The following SPTBN4 variants were observed in gnomAD, a reference collection of about 807,000 sequenced individuals.
The protein encoded by SPTBN4 is spectrin beta chain, non-erythrocytic 4.
A neutral mutation model predicts 277.8 loss-of-function variants in SPTBN4; 96 were observed. The ratio of observed to expected loss-of-function variants is 0.35; its 90% confidence interval spans 0.29 to 0.41. The LOEUF is 0.41. SPTBN4 is among the 10% of genes least tolerant of loss of function. The pLI is 1.00. For synonymous variants in SPTBN4, 1,481 were observed against 1,580.3 expected (o/e 0.94, Z 1.49); for missense variants, 3,006 against 3,595.7 (o/e 0.84, Z 4.19).
Position 40,554,218 on chromosome 19 carries a change from G to A in SPTBN4, c.4746G>A (p.Ala1582=). The change falls in exon 23 of 36, where the codon GCG becomes GCA. Residue 1582 remains alanine, a synonymous_variant. Transcript: ENST00000598249. This position sits in a 1 kb window ranked among gnomAD's most constrained non-coding sequence, Gnocchi z 5.7. Reference sequence around the variant, plus strand: ...TGCTGGAGCGCGCGGGCGCGCTGGCGTCGCTGCGCAGCCCGGAGGCAGAGG... The same window carrying A: ...TGCTGGAGCGCGCGGGCGCGCTGGCATCGCTGCGCAGCCCGGAGGCAGAGG... ...EEVLERAGAL[A]SLRSPEAEAV... 6.7e-7 allele frequency: 1 copy of A among 1,490,680 alleles called. No homozygotes were observed. Among genetic ancestry groups the A allele is most frequent in the South Asian group, 1.3e-5 (1 of 77,716 alleles). 92.3% of individuals were successfully genotyped at this position (1,490,680 alleles called of 1,614,324 possible). A position where few individuals can be genotyped will look rare whatever the true frequency, so the allele number is the denominator to read the frequency against.
intron 19 of SPTBN4, 42 bp from the exon 20 acceptor site, chr19:40,534,038 A>G (rs756290661): frequency 1.3e-6 from 2 of 1,559,630 alleles, no homozygotes; most frequent in South Asian, 1.2e-5. Flanking sequence ...CCCACCATCT[A>G]TCTATCTTCT....
intron 2 of SPTBN4, among the ~76,000 whole-genome samples, chr19:40,485,342 T>C (rs1030353818): frequency 6.6e-6 from 1 of 152,010 alleles, no homozygotes; most frequent in Non-Finnish European, 1.5e-5. Context: ...GAAGAGACAG[T>C]GTTCGAGAGG....
chr19:40,474,737 C>G (rs1303601826), intron 2 of SPTBN4, among the ~76,000 whole-genome samples: 1 of 151,776 alleles, frequency 6.6e-6, no homozygotes, highest in East Asian at 1.9e-4. Context: ...ACTAAAAATA[C>G]AAAAATTAGA....
intron 35 of SPTBN4, among the ~76,000 whole-genome samples, chr19:40,572,801 A>T (rs2081167428): frequency 6.6e-6 from 1 of 152,022 alleles, no homozygotes; most frequent in Non-Finnish European, 1.5e-5. Flanking sequence ...TCTACTAAAA[A>T]ATACAAAAAT....
chr19:40,492,718 G>A (rs2145832376), intron 4 of SPTBN4, among the ~76,000 whole-genome samples: 1 of 152,194 alleles, frequency 6.6e-6, no homozygotes, highest in South Asian at 2.1e-4. Flanking sequence ...CAGGAAAGTG[G>A]CCCAGATGCT....
At chr19:40,569,276 A>G (rs2081126270) in intron 31 of SPTBN4, among the ~76,000 whole-genome samples, 1 of 151,976 alleles carries the variant, frequency 6.6e-6, no homozygotes, top group Admixed American at 6.6e-5. Context: ...AAATGCAAAA[A>G]TTAGCCGGCA....
intron 27 of SPTBN4, among the ~76,000 whole-genome samples, chr19:40,561,146 T>TGGGAC (rs1372990510): frequency 2.0e-5 from 3 of 152,178 alleles, no homozygotes; most frequent in African/African-American, 7.2e-5. Flanking sequence ...CCCAAGTAGC[T>TGGGAC]GGGACTACAG....
In SPTBN4 at chr19:40,487,792, C is replaced by A; in HGVS notation, c.265C>A (p.Leu89Ile). The stretch of plus-strand genomic sequence containing the variant: ...CCACATCGGGGACCTCTATGTGGAC[C>A]TCCGGGACGGCTTCGTGCTCACGCG... The part of the protein sequence containing the change: ...GCHIGDLYVD[L>I]RDGFVLTRLL... Residue 89 changes from leucine (L) to isoleucine (I), a missense_variant, in exon 3 of 36, where the codon CTC becomes ATC. This residue lies in a region of SPTBN4 where 114 missense variants were observed against 196.1 expected (regional missense o/e 0.58). Transcript: ENST00000598249. 1 of 1,612,396 alleles carries A rather than the reference C, an allele frequency of 6.2e-7. No individual in the cohort carries two copies. Among genetic ancestry groups the A allele is most frequent in the Non-Finnish European group, 8.5e-7 (1 of 1,179,328 alleles).
chr19:40,507,662 G>A (rs575721326), intron 13 of SPTBN4, among the ~76,000 whole-genome samples: 9 of 152,124 alleles, frequency 5.9e-5, no homozygotes, highest in South Asian at 2.1e-4. Context: ...GTGAAACTCC[G>A]TCTCTTCTAA....
intron 2 of SPTBN4, among the ~76,000 whole-genome samples, chr19:40,486,371 C>CTTT (rs540832411): frequency 1.4e-5 from 2 of 141,470 alleles, no homozygotes; most frequent in African/African-American, 5.2e-5. Context: ...GGTGCAGCAA[C>CTTT]TTTTTTTTTT....
At chr19:40,540,459 C>G (rs2080787210) in intron 20 of SPTBN4, among the ~76,000 whole-genome samples, 1 of 151,906 alleles carries the variant, frequency 6.6e-6, no homozygotes, top group Non-Finnish European at 1.5e-5. Flanking sequence ...CCAGGCTGGT[C>G]ACAAACTCCT....
rs190514112 is a variant in SPTBN4 at position 40,575,917 on chromosome 19, G to T, written c.*348G>T. On this transcript the variant is annotated 3_prime_UTR_variant, in exon 36 of 36. Transcript: ENST00000598249. ...GATCCTGCCCCAAGAAGCTGGGGTGGTGGGGGCAGTAATTCCTGCCCCCCT... is the reference window on the plus strand; with the variant it reads ...GATCCTGCCCCAAGAAGCTGGGGTGTTGGGGGCAGTAATTCCTGCCCCCCT... 4.5e-5 allele frequency: 9 copies of T among 198,342 alleles called. No individual in the cohort carries two copies. In the East Asian group the frequency reaches 1.1e-3, roughly 25 times the overall value. The allele number at this position is 198,342 out of a possible 1,614,324, so 12.3% of individuals were successfully genotyped here.
chr19:40,491,097 A>T (rs2080130891), intron 4 of SPTBN4, among the ~76,000 whole-genome samples: 2 of 152,190 alleles, frequency 1.3e-5, no homozygotes, highest in South Asian at 4.1e-4. Flanking sequence ...AGTAATAGGG[A>T]TATAAAATGT....
In SPTBN4 at chr19:40,490,306, C is replaced by T. The variant is rs954204368; in HGVS notation, c.495+58C>T. ...AACATGGGACTTAGGAAAGCGTTCCCCACCATTTACCCATTCATTCTTTCC... is the reference window on the plus strand; with the variant it reads ...AACATGGGACTTAGGAAAGCGTTCCTCACCATTTACCCATTCATTCTTTCC... On this transcript the variant is annotated intron_variant, in intron 4 of 35. Transcript: ENST00000598249. This position sits in a 1 kb window ranked among gnomAD's most constrained non-coding sequence, Gnocchi z 4.3. 2 of 1,540,636 alleles carry T rather than the reference C, an allele frequency of 1.3e-6. No individual in the cohort carries two copies. The highest frequency in any genetic ancestry group is 8.8e-7 in the Non-Finnish European group (1 of 1,138,590).
At chr19:40,537,051 C>G (rs2080746144) in intron 20 of SPTBN4, among the ~76,000 whole-genome samples, 1 of 152,032 alleles carries the variant, frequency 6.6e-6, no homozygotes, top group African/African-American at 2.4e-5. Context: ...GCTCTGCCAC[C>G]TAGGCTGGAG....
Position 40,487,857 on chromosome 19 carries a change from G to A in SPTBN4, c.321+9G>A. 1 of 1,592,224 alleles carries A rather than the reference G, an allele frequency of 6.3e-7. No individual in the cohort carries two copies. Among genetic ancestry groups the A allele is most frequent in the Non-Finnish European group, 8.5e-7 (1 of 1,170,492 alleles). ...TGTCTGGGGAGCAGCTGGTGAGGGG[G>A]CCTGAAGGGCTGGGGCAGGGGTCCT... is the stretch of plus-strand genomic sequence containing the variant. On this transcript the variant is annotated intron_variant, in intron 3 of 35. Coordinates refer to ENST00000598249, the MANE Select transcript of SPTBN4 (RefSeq NM_020971.3).
intron 1 of SPTBN4, among the ~76,000 whole-genome samples, chr19:40,469,573 GAA>G (rs2079862223): frequency 6.6e-6 from 1 of 151,570 alleles, no homozygotes; most frequent in Non-Finnish European, 1.5e-5. Flanking sequence ...GTTAGTCTTA[GAA>G]TCAGGCCTGG....
At position 40,565,702 on chromosome 19, in the gene SPTBN4, G is replaced by A. The variant is rs1349288639; in HGVS notation, c.6096G>A (p.Glu2032=). 2.6e-6 allele frequency: 4 copies of A among 1,554,524 alleles called. No homozygotes were observed. Among genetic ancestry groups the A allele is most frequent in the Non-Finnish European group, 3.5e-6 (4 of 1,148,612 alleles). The change falls in exon 29 of 36, where the codon GAG becomes GAA. Residue 2032 remains glutamate, a synonymous_variant. Coordinates refer to ENST00000598249, the MANE Select transcript of SPTBN4 (RefSeq NM_020971.3). ...QLDKLGTRKE[E]VSEKWDRHWE... The stretch of plus-strand genomic sequence containing the variant: ...ACAAGCTGGGAACCAGGAAGGAGGA[G>A]GTGTCGGAAAAGTGGGACCGCCATT...
intron 2 of SPTBN4, among the ~76,000 whole-genome samples, chr19:40,481,607 C>G (rs1599714373): frequency 6.6e-6 from 1 of 152,180 alleles, no homozygotes; most frequent in African/African-American, 2.4e-5. Flanking sequence ...TCTCAAGTAG[C>G]TGGGATTACA....
Sources: gnomAD v4.1 joint callset for allele counts (sites outside exome capture counted in the v4.1 genomes callset) on GRCh38, gnomAD v4.1.1 for gene constraint, gnomAD v4.1.1 regional missense constraint, Gnocchi (gnomAD v3.1) non-coding constraint, MANE v1.5 for transcripts, NCBI Gene and HGNC (gene_info 2026-07-23, HGNC 2026-07-21) for gene names.